ANTXR1: variants seen among roughly 807,000 people sequenced by gnomAD.
ANTXR1 encodes ANTXR cell adhesion molecule 1.
In ANTXR1, 19 loss-of-function variants were observed where a neutral mutation model predicts 78.1. That is an observed-to-expected ratio of 0.24 (90% CI 0.17 to 0.36). The LOEUF is 0.36. ANTXR1 is among the 10% of genes least tolerant of loss of function. The pLI, the probability that ANTXR1 is intolerant of heterozygous loss-of-function variation, is 1.00. For synonymous variants in ANTXR1, 273 were observed against 260.5 expected (o/e 1.05, Z -0.46); for missense variants, 518 against 718.6 (o/e 0.72, Z 3.19).
intron 17 of ANTXR1, among the ~76,000 whole-genome samples, chr2:69,209,743 G>A (rs1674993685): frequency 6.6e-6 from 1 of 152,252 alleles, no homozygotes; most frequent in African/African-American, 2.4e-5. Flanking sequence ...GCATGTTGGA[G>A]GAACTCAGAG....
chr2:69,170,789 A>T (rs1035694704), intron 14 of ANTXR1, among the ~76,000 whole-genome samples: 9 of 152,216 alleles, frequency 5.9e-5, no homozygotes, highest in African/African-American at 2.2e-4. Flanking sequence ...TAATGAAAAT[A>T]CGCTGGAGAG....
chr2:69,123,299 T>A (rs7584948), intron 11 of ANTXR1, among the ~76,000 whole-genome samples: 1 of 151,972 alleles, frequency 6.6e-6, no homozygotes, highest in Non-Finnish European at 1.5e-5. Context: ...ATTAACTAGG[T>A]ATTCCCACTA....
intron 8 of ANTXR1, among the ~76,000 whole-genome samples, chr2:69,088,196 G>A (rs1270033691): frequency 6.6e-6 from 1 of 152,136 alleles, no homozygotes; most frequent in Non-Finnish European, 1.5e-5. Flanking sequence ...TGCCTTTGTG[G>A]TTAAAGATCC....
chr2:69,177,792 A>G (rs1674167899), intron 14 of ANTXR1, among the ~76,000 whole-genome samples: 1 of 152,108 alleles, frequency 6.6e-6, no homozygotes, highest in African/African-American at 2.4e-5. Flanking sequence ...ACGGAATATT[A>G]AAGGGACTCT....
intron 3 of ANTXR1, among the ~76,000 whole-genome samples, chr2:69,070,200 G>A (rs560267832): frequency 6.6e-6 from 1 of 152,254 alleles, no homozygotes; most frequent in East Asian, 1.9e-4. Flanking sequence ...ACACCCGTGC[G>A]GTGGCAGTTT....
intron 9 of ANTXR1, among the ~76,000 whole-genome samples, chr2:69,100,330 C>T (rs960600844): frequency 2.0e-5 from 3 of 152,190 alleles, no homozygotes; most frequent in Non-Finnish European, 4.4e-5. Flanking sequence ...TGCACTAACA[C>T]AGAAACCCTA....
chr2:69,057,516 C>G (rs1435687417), intron 3 of ANTXR1, among the ~76,000 whole-genome samples: 1 of 152,046 alleles, frequency 6.6e-6, no homozygotes, highest in Non-Finnish European at 1.5e-5. Flanking sequence ...ATCTATTGTC[C>G]TTGTTTTGGG....
At chr2:69,120,750 C>T (rs535297182) in intron 10 of ANTXR1, among the ~76,000 whole-genome samples, 289 of 152,282 alleles carry the variant, frequency 1.9e-3, no homozygotes, top group Middle Eastern at 3.4e-3. Context: ...TATAATTTTA[C>T]TCAATACAGC....
chr2:69,138,481 G>A (rs1672978527), intron 12 of ANTXR1, among the ~76,000 whole-genome samples: 1 of 152,140 alleles, frequency 6.6e-6, no homozygotes, highest in Admixed American at 6.5e-5. Context: ...TTCCCAGAAG[G>A]CAGTCAAACT....
chr2:69,239,677 C>G (rs1252635914), intron 17 of ANTXR1, among the ~76,000 whole-genome samples: 2 of 152,156 alleles, frequency 1.3e-5, no homozygotes, highest in African/African-American at 4.8e-5. Flanking sequence ...GTGACTTGCC[C>G]CAGGTTTCAC....
chr2:69,212,739 C>T (rs541141192), intron 17 of ANTXR1, among the ~76,000 whole-genome samples: 1 of 152,128 alleles, frequency 6.6e-6, no homozygotes, highest in South Asian at 2.1e-4. Context: ...CTAGCCTTGA[C>T]CTCTGGGACT....
intron 16 of ANTXR1, among the ~76,000 whole-genome samples, chr2:69,185,170 G>A (rs1012426740): frequency 6.6e-6 from 1 of 152,144 alleles, no homozygotes; most frequent in African/African-American, 2.4e-5. Context: ...GACATTCTTC[G>A]GCCCCACCTA....
chr2:69,040,111 A>T lies in ANTXR1; in HGVS notation c.220A>T (p.Ile74Phe). Reference protein sequence around the residue: ...YFVEQLAHKFISPQLRMSFIV... With the variant: ...YFVEQLAHKFFSPQLRMSFIV... ...TGTGGAACAGTTGGCTCACAAATTC[A>T]TCAGGTGAGAAACACTATGCATTTT... Residue 74 changes from isoleucine (I) to phenylalanine (F), a missense_variant, in exon 2 of 18, where the codon ATC (isoleucine) becomes TTC (phenylalanine). Physicochemically the swap from Ile to Phe is conservative, Grantham distance 21 (BLOSUM62 0). Around this residue, in one of 5 missense-constraint regions of ANTXR1, gnomAD observed 264 missense variants for 391.8 expected, o/e 0.67. Coordinates refer to ENST00000303714, the MANE Select transcript of ANTXR1 (RefSeq NM_032208.3). 1 of 1,612,942 alleles carries T rather than the reference A, an allele frequency of 6.2e-7. No homozygotes were observed. Among genetic ancestry groups the T allele is most frequent in the Non-Finnish European group, 8.5e-7 (1 of 1,179,166 alleles).
intron 1 of ANTXR1, among the ~76,000 whole-genome samples, chr2:69,014,799 C>T (rs967670912): frequency 6.6e-6 from 1 of 152,184 alleles, no homozygotes; most frequent in Non-Finnish European, 1.5e-5. Context: ...ACCAAATGTG[C>T]TTTGCAGTTG....
rs562507306 is a variant in ANTXR1 at position 69,205,073 on chromosome 2, G to A, written c.1434+11658G>A. Among the ~76,000 whole-genome samples the A allele has an allele frequency of 1.7e-3, 259 of 152,288 alleles. 1 individual carries two copies. Among genetic ancestry groups the A allele is most frequent in the African/African-American group, 6.0e-3 (249 of 41,554 alleles). On this transcript the variant is annotated intron_variant, in intron 17 of 17. Coordinates refer to ENST00000303714, the MANE Select transcript of ANTXR1 (RefSeq NM_032208.3). ...CCCTGCCCTTGTGGAGTGTACACTGGAGTGGTCAGAAAAGATCACTAAATT... is the reference window on the plus strand; with the variant it reads ...CCCTGCCCTTGTGGAGTGTACACTGAAGTGGTCAGAAAAGATCACTAAATT...
intron 17 of ANTXR1, among the ~76,000 whole-genome samples, chr2:69,225,266 T>C (rs1675415307): frequency 6.6e-6 from 1 of 152,186 alleles, no homozygotes; most frequent in Admixed American, 6.5e-5. Flanking sequence ...GGTAACACTC[T>C]GGCATTTTAA....
At chr2:69,156,151 T>TC (rs1044100485) in intron 13 of ANTXR1, among the ~76,000 whole-genome samples, 11 of 152,150 alleles carry the variant, frequency 7.2e-5, no homozygotes, top group African/African-American at 2.7e-4. Flanking sequence ...ACTGCTAACT[T>TC]ACCTCTATGG....
chr2:69,050,036 G>C (rs1669882377), intron 3 of ANTXR1, among the ~76,000 whole-genome samples: 1 of 152,116 alleles, frequency 6.6e-6, no homozygotes, highest in Non-Finnish European at 1.5e-5. Flanking sequence ...GCTCACACCT[G>C]TAATCTCAGC....
intron 14 of ANTXR1, among the ~76,000 whole-genome samples, chr2:69,179,148 A>G (rs1410337983): frequency 6.6e-6 from 1 of 152,236 alleles, no homozygotes; most frequent in Non-Finnish European, 1.5e-5. Context: ...CTGCTTTCAC[A>G]TCATAAGGTG....
Sources: gnomAD v4.1 joint callset for allele counts (sites outside exome capture counted in the v4.1 genomes callset) on GRCh38, gnomAD v4.1.1 for gene constraint, gnomAD v4.1.1 regional missense constraint, MANE v1.5 for transcripts, NCBI Gene and HGNC (gene_info 2026-07-23, HGNC 2026-07-21) for gene names.